The following GPHN variants were observed in gnomAD, a reference collection of about 807,000 sequenced individuals.
GPHN encodes gephyrin.
Under a neutral mutation model 95.5 loss-of-function variants are expected in GPHN, and 17 were observed. That is an observed-to-expected ratio of 0.18 (90% CI 0.12 to 0.27). The LOEUF is 0.27. Ranked by LOEUF, GPHN falls within the 10% of genes least tolerant of loss-of-function variation. GPHN has a pLI of 1.00. For missense variants in GPHN, 660 were observed against 978.1 expected (o/e 0.67, Z 4.34); for synonymous variants, 320 against 322.5 (o/e 0.99, Z 0.08).
the GPHN span, among the ~76,000 whole-genome samples, chr14:67,325,931 C>A: frequency 3.3e-5 from 5 of 151,636 alleles, no homozygotes; most frequent in African/African-American, 1.2e-4. Context: ...GCCTCAGCCT[C>A]CCGAGTAGCT....
chr14:66,936,306 G>A (rs1244531009), intron 8 of GPHN, among the ~76,000 whole-genome samples: 2 of 151,998 alleles, frequency 1.3e-5, no homozygotes, highest in African/African-American at 2.4e-5. Flanking sequence ...TTAAACCCCG[G>A]AGGCAGAGGT....
At chr14:67,382,558 G>A in the GPHN span, 1 of 1,613,926 alleles carries the variant, frequency 6.2e-7, no homozygotes, top group Non-Finnish European at 8.5e-7. Context: ...GAAGATTGAG[G>A]AAAAGAGGGG....
At chr14:67,526,061 C>T in the GPHN span, among the ~76,000 whole-genome samples, 1 of 152,228 alleles carries the variant, frequency 6.6e-6, no homozygotes, top group African/African-American at 2.4e-5. Flanking sequence ...TGTCTGTCAG[C>T]TCTACCTGAT....
chr14:66,807,163 A>G (rs1331637356), intron 3 of GPHN, among the ~76,000 whole-genome samples: 3 of 152,184 alleles, frequency 2.0e-5, no homozygotes, highest in Non-Finnish European at 4.4e-5. Context: ...TGTGCAGGGA[A>G]GATTCCCTTT....
chr14:67,112,002 C>A, intron 15 of GPHN, 83 bp downstream of exon 15: 2 of 1,036,102 alleles, frequency 1.9e-6, no homozygotes, highest in East Asian at 2.4e-5. Context: ...TACTATAAAT[C>A]TGCAGCCATG....
At chr14:66,822,099 C>T (rs2061216597) in intron 3 of GPHN, among the ~76,000 whole-genome samples, 1 of 152,004 alleles carries the variant, frequency 6.6e-6, no homozygotes, top group African/African-American at 2.4e-5. Flanking sequence ...TTAGAGGCAC[C>T]CACCACCGTG....
At chr14:66,889,684 C>T (rs1299836328) in intron 5 of GPHN, among the ~76,000 whole-genome samples, 1 of 151,826 alleles carries the variant, frequency 6.6e-6, no homozygotes, top group Non-Finnish European at 1.5e-5. Context: ...ACAGCAGTCT[C>T]ATGTATAACT....
chr14:66,915,575 A>G lies in GPHN; in HGVS notation c.390-428A>G, dbSNP rs574751704. ...AAAACCTTGTTTTACTTTAAAACTT[A>G]TAGACTTCCTGAGAAGCAAGAGCTC... On this transcript the variant is annotated intron_variant, in intron 5 of 22. Transcript: ENST00000478722. Among the ~76,000 whole-genome samples, 365 of 152,328 alleles carry G rather than the reference A, an allele frequency of 2.4e-3. 4 individuals carry two copies. The highest frequency in any genetic ancestry group is 8.3e-3 in the African/African-American group (344 of 41,588).
intron 2 of GPHN, among the ~76,000 whole-genome samples, chr14:66,755,605 A>G (rs2058528272): frequency 6.6e-6 from 1 of 152,038 alleles, no homozygotes; most frequent in Admixed American, 6.6e-5. Context: ...GGTTCTGTAA[A>G]ATCTTACCTC....
At chr14:66,967,932 C>G (rs1437075914) in intron 9 of GPHN, among the ~76,000 whole-genome samples, 2 of 151,704 alleles carry the variant, frequency 1.3e-5, no homozygotes, top group Non-Finnish European at 2.9e-5. Flanking sequence ...TCAATAATGA[C>G]CACTTTAAAG....
chr14:67,267,315 A>G, the GPHN span, among the ~76,000 whole-genome samples: 3 of 151,590 alleles, frequency 2.0e-5, no homozygotes, highest in Non-Finnish European at 2.9e-5. Context: ...CTGGAGTGCA[A>G]TGGTGCAATC....
the GPHN span, chr14:67,376,390 T>G: frequency 6.6e-7 from 1 of 1,508,106 alleles, no homozygotes; most frequent in South Asian, 1.3e-5. Context: ...AAAACATTTT[T>G]TATAAATCTC....
chr14:66,659,709 C>T (rs2065526904), intron 1 of GPHN, among the ~76,000 whole-genome samples: 1 of 151,974 alleles, frequency 6.6e-6, no homozygotes, highest in Non-Finnish European at 1.5e-5. Flanking sequence ...TCTTTTGAAG[C>T]CTACTTTACC....
the GPHN span, among the ~76,000 whole-genome samples, chr14:67,319,728 T>C: frequency 6.6e-6 from 1 of 152,154 alleles, no homozygotes; most frequent in African/African-American, 2.4e-5. Context: ...GGGCCACGGG[T>C]TGGACGAGCT....
At chr14:66,991,539 C>G (rs1464513250) in intron 9 of GPHN, among the ~76,000 whole-genome samples, 1 of 151,428 alleles carries the variant, frequency 6.6e-6, no homozygotes, top group Non-Finnish European at 1.5e-5. Flanking sequence ...CTGAGAAACA[C>G]TTTGTTCCGA....
intron 2 of GPHN, among the ~76,000 whole-genome samples, chr14:66,736,105 TCTA>T (rs1566886441): frequency 6.6e-6 from 1 of 152,188 alleles, no homozygotes; most frequent in South Asian, 2.1e-4. Context: ...GGAACAAAGA[TCTA>T]CTATATTGTG....
At position 66,686,210 on chromosome 14, in the gene GPHN, G is replaced by A. The variant is rs1434909561; in HGVS notation, c.143+5025G>A. Among the ~76,000 whole-genome samples the A allele has an allele frequency of 7.9e-5, 12 of 152,268 alleles. No homozygotes were observed. The East Asian group carries it at 2.3e-3, about 29-fold the overall frequency. On this transcript the variant is annotated intron_variant, in intron 2 of 22. Coordinates refer to ENST00000478722, the MANE Select transcript of GPHN (RefSeq NM_020806.5). ...CCTCCAGCTTTGTTCTTTTGGCTTA[G>A]GATTGACTTGGCAATGTGGGCTCTT...
At chr14:66,885,624 A>G (rs1258490613) in intron 5 of GPHN, among the ~76,000 whole-genome samples, 2 of 152,142 alleles carry the variant, frequency 1.3e-5, no homozygotes, top group Non-Finnish European at 2.9e-5. Context: ...CAAGGGATTT[A>G]TAAGGACAGT....
chr14:67,646,824 T>G, the GPHN span: 1 of 1,419,042 alleles, frequency 7.0e-7, no homozygotes, highest in Non-Finnish European at 9.9e-7. Flanking sequence ...CTTGGTCTAT[T>G]GCAGGTCACT....
Sources: allele counts gnomAD v4.1 joint callset (sites outside exome capture counted in the v4.1 genomes callset), GRCh38; gene constraint gnomAD v4.1.1; transcripts MANE v1.5; gene names NCBI Gene and HGNC (gene_info 2026-07-23, HGNC 2026-07-21).